ADAMTS12: variants seen among roughly 807,000 people sequenced by gnomAD.
ADAMTS12 encodes the protein ADAM metallopeptidase with thrombospondin type 1 motif 12.
In ADAMTS12, 118 loss-of-function variants were observed where a neutral mutation model predicts 167.8. That is an observed-to-expected ratio of 0.70 (90% CI 0.61 to 0.82). ADAMTS12 has a LOEUF of 0.82. Ranked by LOEUF, ADAMTS12 falls within the 40% of genes least tolerant of loss-of-function variation. ADAMTS12 has a pLI of 0.00. For synonymous variants in ADAMTS12, 704 were observed against 716.9 expected, an observed-to-expected ratio of 0.98 and a Z score of 0.29; for missense variants, 1,916 against 1,998.8, an observed-to-expected ratio of 0.96 and a Z score of 0.79.
chr5:33,851,486 T>G (rs1310917475), intron 2 of ADAMTS12, among the ~76,000 whole-genome samples: 3 of 152,190 alleles, frequency 2.0e-5, no homozygotes, highest in African/African-American at 7.2e-5. Flanking sequence ...AACAGTTGAA[T>G]TAACTAATTG....
intron 2 of ADAMTS12, among the ~76,000 whole-genome samples, chr5:33,779,733 C>T (rs987140619): frequency 6.6e-6 from 1 of 152,112 alleles, no homozygotes; most frequent in Non-Finnish European, 1.5e-5. Flanking sequence ...AAGATAAATA[C>T]TACATGATCT....
At chr5:33,565,304 C>T (rs1335697235) in intron 19 of ADAMTS12, among the ~76,000 whole-genome samples, 3 of 152,148 alleles carry the variant, frequency 2.0e-5, no homozygotes, top group Admixed American at 6.5e-5. Context: ...TACAGGCATG[C>T]GCCACCACGT....
intron 3 of ADAMTS12, among the ~76,000 whole-genome samples, chr5:33,714,956 C>A (rs367995595): frequency 1.3e-5 from 2 of 151,942 alleles, no homozygotes; most frequent in Non-Finnish European, 2.9e-5. Flanking sequence ...AGTTTTGAAA[C>A]GTTCCCAAAA....
intron 11 of ADAMTS12, among the ~76,000 whole-genome samples, chr5:33,638,744 C>G (rs1011820604): frequency 2.0e-5 from 3 of 152,162 alleles, no homozygotes; most frequent in African/African-American, 7.2e-5. Context: ...CCTCACAGTA[C>G]TTTGGGCATA....
At chr5:33,530,892 T>C (rs181202758) in intron 23 of ADAMTS12, among the ~76,000 whole-genome samples, 270 of 152,284 alleles carry the variant, frequency 1.8e-3, no homozygotes, top group African/African-American at 6.2e-3. Context: ...AGAGTGGAAG[T>C]CCTCACCCTT....
chr5:33,546,929 G>A (rs1221345864), intron 21 of ADAMTS12, among the ~76,000 whole-genome samples: 1 of 152,142 alleles, frequency 6.6e-6, no homozygotes, highest in Non-Finnish European at 1.5e-5. Context: ...GATAATTATG[G>A]CTGTCTTGCA....
At chr5:33,770,077 G>A (rs1466303013) in intron 2 of ADAMTS12, among the ~76,000 whole-genome samples, 1 of 151,982 alleles carries the variant, frequency 6.6e-6, no homozygotes, top group Non-Finnish European at 1.5e-5. Context: ...ATAATATAAT[G>A]GTCCCGCTAA....
At chr5:33,866,162 C>G (rs931955621) in intron 2 of ADAMTS12, among the ~76,000 whole-genome samples, 1 of 151,676 alleles carries the variant, frequency 6.6e-6, no homozygotes, top group African/African-American at 2.4e-5. Context: ...CTATCCTAGG[C>G]AAAGGTATCA....
intron 22 of ADAMTS12, among the ~76,000 whole-genome samples, chr5:33,538,499 G>T (rs1295734324): frequency 6.6e-6 from 1 of 152,116 alleles, no homozygotes; most frequent in Non-Finnish European, 1.5e-5. Context: ...TGAGACATGA[G>T]ATACAATGGG....
At chr5:33,744,689 C>A (rs926277962) in intron 3 of ADAMTS12, among the ~76,000 whole-genome samples, 3 of 152,144 alleles carry the variant, frequency 2.0e-5, no homozygotes, top group Admixed American at 6.5e-5. Context: ...GCAGAAATGA[C>A]AAGACTTGGT....
chr5:33,872,213 G>A (rs1212658412), intron 2 of ADAMTS12, among the ~76,000 whole-genome samples: 1 of 152,118 alleles, frequency 6.6e-6, no homozygotes, highest in East Asian at 1.9e-4. Flanking sequence ...ATTCCGTGGG[G>A]CCAGCATCAC....
chr5:33,779,692 A>G (rs550150251), intron 2 of ADAMTS12, among the ~76,000 whole-genome samples: 2 of 152,350 alleles, frequency 1.3e-5, no homozygotes, highest in Non-Finnish European at 1.5e-5. Context: ...CCTGAAGGAC[A>G]TTATACTAAG....
Position 33,745,818 on chromosome 5 carries a change from G to C in ADAMTS12, c.634+5586C>G, listed in dbSNP as rs1744762091. ...GCCTCTGGCACTCTGAGTACCTAAAGTGTTGGTCTCGAATTTTATTAAGCA... is the reference window on the plus strand; with the variant it reads ...GCCTCTGGCACTCTGAGTACCTAAACTGTTGGTCTCGAATTTTATTAAGCA... On this transcript the variant is annotated intron_variant, in intron 3 of 23. Transcript: ENST00000504830. Among the ~76,000 whole-genome samples, 3 of 152,180 alleles carry C rather than the reference G, an allele frequency of 2.0e-5. 1 individual carries two copies. Among genetic ancestry groups the C allele is most frequent in the African/African-American group, 7.2e-5 (3 of 41,428 alleles).
At chr5:33,529,351 C>G (rs2111724348) in intron 23 of ADAMTS12, among the ~76,000 whole-genome samples, 1 of 152,264 alleles carries the variant, frequency 6.6e-6, no homozygotes, top group East Asian at 1.9e-4. Flanking sequence ...TCTCAGATGG[C>G]ACTGGCCTAC....
At chr5:33,686,525 C>T (rs1742329974) in intron 3 of ADAMTS12, among the ~76,000 whole-genome samples, 1 of 152,062 alleles carries the variant, frequency 6.6e-6, no homozygotes, top group African/African-American at 2.4e-5. Flanking sequence ...AAGAGAGTTG[C>T]TAGGCACTGA....
intron 2 of ADAMTS12, among the ~76,000 whole-genome samples, chr5:33,858,841 G>A (rs1023391441): frequency 7.9e-5 from 12 of 151,314 alleles, no homozygotes; most frequent in African/African-American, 2.7e-4. Flanking sequence ...GTTAAACAGT[G>A]AGTGCAGCCC....
intron 3 of ADAMTS12, among the ~76,000 whole-genome samples, chr5:33,718,575 G>A (rs891272915): frequency 2.0e-5 from 3 of 152,032 alleles, no homozygotes; most frequent in East Asian, 1.9e-4. Context: ...CTCCCAGTCC[G>A]TGGAAAAAAT....
At chr5:33,632,146 G>A (rs1029986682) in intron 12 of ADAMTS12, among the ~76,000 whole-genome samples, 11 of 152,156 alleles carry the variant, frequency 7.2e-5, no homozygotes, top group African/African-American at 2.4e-4. Flanking sequence ...TAGTTCAGAA[G>A]CAGAAAGTTA....
chr5:33,888,258 A>G (rs1750710129), intron 1 of ADAMTS12: 1 of 152,226 alleles, frequency 6.6e-6, no homozygotes, highest in Non-Finnish European at 1.5e-5. Flanking sequence ...TTCCTGTAAT[A>G]GAGGTTTATT....
Sources: allele counts gnomAD v4.1 joint callset (sites outside exome capture counted in the v4.1 genomes callset), GRCh38; gene constraint gnomAD v4.1.1; transcripts MANE v1.5; gene names NCBI Gene and HGNC (gene_info 2026-07-23, HGNC 2026-07-21).